CSMD3: variants seen among roughly 807,000 people sequenced by gnomAD.
CSMD3 encodes CUB and Sushi multiple domains 3, also known as CUB and sushi domain-containing protein 3.
A neutral mutation model predicts 435.2 loss-of-function variants in CSMD3; 177 were observed. The observed-to-expected ratio is 0.41, with a 90% CI of 0.36 to 0.46. The LOEUF is 0.46. Among genes scored for constraint, CSMD3 ranks in the 20% least tolerant of loss-of-function variants. The pLI, the probability that CSMD3 is intolerant of heterozygous loss-of-function variation, is 0.34. For missense variants in CSMD3, 4,265 were observed against 4,504.6 expected (o/e 0.95, Z 1.52); for synonymous variants, 1,656 against 1,520.5 (o/e 1.09, Z -2.07).
chr8:112,760,924 G>T (rs2077822573), intron 13 of CSMD3, among the ~76,000 whole-genome samples: 1 of 152,096 alleles, frequency 6.6e-6, no homozygotes, highest in African/African-American at 2.4e-5. Flanking sequence ...CATAGTAAAG[G>T]ACAAGATTCC....
At chr8:112,712,977 A>G (rs7829649) in intron 13 of CSMD3, among the ~76,000 whole-genome samples, 83,857 of 151,888 alleles carry the variant, frequency 0.55, 24,245 homozygotes, top group African/African-American at 0.73. Flanking sequence ...TAGAAGAAGC[A>G]GCGATTGGAG....
intron 4 of CSMD3, among the ~76,000 whole-genome samples, chr8:113,119,748 A>C (rs2090933338): frequency 6.6e-6 from 1 of 152,170 alleles, no homozygotes; most frequent in Non-Finnish European, 1.5e-5. Context: ...ATAGGAAAAA[A>C]TAGTTAAATA....
chr8:112,896,691 C>T (rs1314737219), intron 10 of CSMD3, among the ~76,000 whole-genome samples: 1 of 151,458 alleles, frequency 6.6e-6, no homozygotes, highest in Non-Finnish European at 1.5e-5. Flanking sequence ...TCTTTATATT[C>T]CATCCATGTA....
intron 4 of CSMD3, among the ~76,000 whole-genome samples, chr8:113,148,161 C>T (rs17606114): frequency 0.096 from 14,541 of 151,754 alleles, 911 homozygotes; most frequent in Middle Eastern, 0.17. Flanking sequence ...TTCCATTCCA[C>T]AGCCTCTCAC....
chr8:113,139,288 G>T (rs931636455), intron 4 of CSMD3, among the ~76,000 whole-genome samples: 2 of 150,870 alleles, frequency 1.3e-5, no homozygotes, highest in African/African-American at 4.8e-5. Flanking sequence ...AAATATAAGA[G>T]ATTTTTCTTC....
rs903449244 is a variant in CSMD3 at position 112,862,498 on chromosome 8, C to T, written c.1634-3232G>A. 3.3e-5 allele frequency among the ~76,000 whole-genome samples: 5 copies of T among 152,042 alleles called. No homozygotes were observed. The East Asian group carries it at 5.8e-4, about 18-fold the overall frequency. On this transcript the variant is annotated intron_variant, in intron 10 of 70. Coordinates refer to ENST00000297405, the MANE Select transcript of CSMD3 (RefSeq NM_198123.2). ...GGATGATTAGGAGGTTTCCTTAATC[C>T]TGCAGTGGGAAATAAGAAGACATGT...
intron 1 of CSMD3, among the ~76,000 whole-genome samples, chr8:113,409,010 G>A (rs1379762231): frequency 2.0e-5 from 3 of 151,228 alleles, no homozygotes; most frequent in Non-Finnish European, 1.5e-5. Flanking sequence ...GAGTTTCTCG[G>A]CCCATAGCCA....
At chr8:112,540,320 T>C (rs1185407179) in intron 27 of CSMD3, among the ~76,000 whole-genome samples, 1 of 151,996 alleles carries the variant, frequency 6.6e-6, no homozygotes, top group African/African-American at 2.4e-5. Flanking sequence ...GGAATGCTCA[T>C]GCACTGTTGG....
intron 9 of CSMD3, among the ~76,000 whole-genome samples, chr8:112,922,087 A>G (rs769638505): frequency 2.0e-5 from 3 of 152,042 alleles, no homozygotes; most frequent in Non-Finnish European, 4.4e-5. Flanking sequence ...GCATGTATTT[A>G]CATGTGTATG....
At chr8:112,655,122 T>A (rs2075225164) in intron 18 of CSMD3, among the ~76,000 whole-genome samples, 1 of 152,260 alleles carries the variant, frequency 6.6e-6, no homozygotes, top group Admixed American at 6.5e-5. Flanking sequence ...AAAAAACTAA[T>A]GGATCTATAT....
intron 1 of CSMD3, among the ~76,000 whole-genome samples, chr8:113,362,412 T>C (rs956397986): frequency 3.9e-5 from 6 of 152,212 alleles, no homozygotes; most frequent in Admixed American, 2.6e-4. Context: ...CATTTGATCT[T>C]CAAATGACAC....
intron 11 of CSMD3, among the ~76,000 whole-genome samples, chr8:112,857,338 T>C (rs2080690414): frequency 6.6e-6 from 1 of 151,800 alleles, no homozygotes; most frequent in African/African-American, 2.4e-5. Context: ...TTGAGTAGAT[T>C]AGATAATATA....
chr8:112,537,925 G>C (rs868365282), intron 27 of CSMD3, among the ~76,000 whole-genome samples: 1 of 151,864 alleles, frequency 6.6e-6, no homozygotes, highest in African/African-American at 2.4e-5. Flanking sequence ...AGCATGAAAA[G>C]AAAACAAAGA....
intron 1 of CSMD3, among the ~76,000 whole-genome samples, chr8:113,416,114 T>C (rs1240611209): frequency 6.6e-6 from 1 of 152,126 alleles, no homozygotes; most frequent in Non-Finnish European, 1.5e-5. Flanking sequence ...TCCTGGAACT[T>C]CAAGTGTGAT....
intron 10 of CSMD3, among the ~76,000 whole-genome samples, chr8:112,878,462 TTGG>T (rs2081353599): frequency 6.6e-6 from 1 of 152,108 alleles, no homozygotes; most frequent in Non-Finnish European, 1.5e-5. Flanking sequence ...TTTTACACTG[TTGG>T]TGGGAGTGTA....
intron 13 of CSMD3, among the ~76,000 whole-genome samples, chr8:112,702,427 G>C (rs2076408051): frequency 6.6e-6 from 1 of 152,146 alleles, no homozygotes; most frequent in Non-Finnish European, 1.5e-5. Flanking sequence ...CATAGTTAGA[G>C]AAAATCATAG....
In CSMD3 at chr8:112,585,044, G is replaced by T. The variant is rs372595931; in HGVS notation, c.3885+2022C>A. 2.0e-5 allele frequency among the ~76,000 whole-genome samples: 3 copies of T among 151,524 alleles called. No individual in the cohort carries two copies. The East Asian group carries it at 5.8e-4, about 30-fold the overall frequency. On this transcript the variant is annotated intron_variant, in intron 23 of 70. Transcript: ENST00000297405. ...TCTTTCAGCTAATGGTTTCTCGTTG[G>T]ATTAATGGGAAGAATGAGGTAACAT...
intron 13 of CSMD3, among the ~76,000 whole-genome samples, chr8:112,737,835 A>C (rs1431171918): frequency 1.3e-5 from 2 of 151,888 alleles, no homozygotes; most frequent in Admixed American, 1.3e-4. Context: ...GTAACAATGA[A>C]GAAAAACCCC....
intron 3 of CSMD3, among the ~76,000 whole-genome samples, chr8:113,245,847 C>A (rs2093270568): frequency 6.6e-6 from 1 of 151,880 alleles, no homozygotes; most frequent in Admixed American, 6.6e-5. Flanking sequence ...TTTGGCATAC[C>A]TGGAAATGTA....
Sources: gnomAD v4.1 joint callset for allele counts (sites outside exome capture counted in the v4.1 genomes callset) on GRCh38, gnomAD v4.1.1 for gene constraint, MANE v1.5 for transcripts, NCBI Gene and HGNC (gene_info 2026-07-23, HGNC 2026-07-21) for gene names.